The following SFMBT1 variants were observed in gnomAD, a reference collection of about 807,000 sequenced individuals.
SFMBT1 encodes the protein Scm like with four mbt domains 1.
Under a neutral mutation model 108.7 loss-of-function variants are expected in SFMBT1, and 32 were observed. The observed-to-expected ratio is 0.29, with a 90% CI of 0.22 to 0.40. The LOEUF is 0.40. SFMBT1 is among the 10% of genes least tolerant of loss of function. SFMBT1 has a pLI of 1.00. For missense variants in SFMBT1, 816 were observed against 1,059.6 expected, an observed-to-expected ratio of 0.77 and a Z score of 3.19; for synonymous variants, 348 against 369.5, an observed-to-expected ratio of 0.94 and a Z score of 0.67.
chr3:52,916,167 A>G lies in SFMBT1; in HGVS notation c.1463T>C (p.Leu488Pro), dbSNP rs750394076. Reference protein sequence around the residue: ...TVHEGLRNQELNSTESVMING... With the variant: ...TVHEGLRNQEPNSTESVMING... Reference sequence around the variant, plus strand: ...GCTTATACCTGACTCTGTGGAGTTCAGCTCCTGATTCCTCAGGCCCTCGTG... The same window carrying G: ...GCTTATACCTGACTCTGTGGAGTTCGGCTCCTGATTCCTCAGGCCCTCGTG... Residue 488 changes from leucine to proline, a missense_variant, in exon 14 of 21, where the codon CTG becomes CCG. Transcript: ENST00000394752. The G allele has an allele frequency of 5.0e-6, 8 of 1,614,008 alleles. No individual in the cohort carries two copies. Among genetic ancestry groups the G allele is most frequent in the African/African-American group, 1.3e-5 (1 of 74,908 alleles).
chr3:53,015,294 T>A (rs533004136), intron 1 of SFMBT1, among the ~76,000 whole-genome samples: 209 of 138,174 alleles, frequency 1.5e-3, no homozygotes, highest in Admixed American at 5.2e-3. Flanking sequence ...AAAAAAAAAA[T>A]AGAGAATAAC....
intron 1 of SFMBT1, among the ~76,000 whole-genome samples, chr3:53,039,109 T>C (rs1699954751): frequency 6.6e-6 from 1 of 152,206 alleles, no homozygotes; most frequent in Non-Finnish European, 1.5e-5. Flanking sequence ...CTGTTTCTTT[T>C]GTTCGAATAA....
At chr3:52,996,206 C>T (rs1167451209) in intron 1 of SFMBT1, among the ~76,000 whole-genome samples, 6 of 88,128 alleles carry the variant, frequency 6.8e-5, no homozygotes, top group South Asian at 3.3e-4. Context: ...ATAAACAATC[C>T]TTTTTTTTTT....
intron 1 of SFMBT1, among the ~76,000 whole-genome samples, chr3:53,028,988 C>T (rs1409158267): frequency 1.3e-5 from 2 of 151,954 alleles, no homozygotes; most frequent in African/African-American, 4.8e-5. Flanking sequence ...CTGACTAACA[C>T]GGTGAAACCC....
At chr3:53,007,761 T>C (rs922410601) in intron 1 of SFMBT1, among the ~76,000 whole-genome samples, 9 of 152,260 alleles carry the variant, frequency 5.9e-5, no homozygotes, top group South Asian at 2.1e-4. Context: ...ATCCATAAAA[T>C]ACCAATTACA....
chr3:52,921,900 A>G, intron 10 of SFMBT1, 69 bp from the exon 11 acceptor site: 1 of 1,520,298 alleles, frequency 6.6e-7, no homozygotes. Flanking sequence ...TCAGCTAGAA[A>G]ACCTTTTTCA....
chr3:52,966,130 A>G lies in SFMBT1; in HGVS notation c.28+2971T>C, dbSNP rs1475870476. ...CAGGAAATCGAGACCATCCTGGCTAACAGGGTGAAACCCCGTCTCTACTAA... is the reference window on the plus strand; with the variant it reads ...CAGGAAATCGAGACCATCCTGGCTAGCAGGGTGAAACCCCGTCTCTACTAA... On this transcript the variant is annotated intron_variant, in intron 2 of 20. Coordinates refer to ENST00000394752, the MANE Select transcript of SFMBT1 (RefSeq NM_016329.4). Among the ~76,000 whole-genome samples, 8 of 146,598 alleles carry G rather than the reference A, an allele frequency of 5.5e-5. No individual in the cohort carries two copies. In the Admixed American group the frequency reaches 5.5e-4, roughly 10 times the overall value.
At chr3:52,972,742 T>TAA (rs1704385643) in intron 1 of SFMBT1, among the ~76,000 whole-genome samples, 2 of 79,504 alleles carry the variant, frequency 2.5e-5, no homozygotes, top group African/African-American at 1.2e-4. Flanking sequence ...CCATCTCTAC[T>TAA]AAACACACAC....
At position 53,000,098 on chromosome 3, in the gene SFMBT1, G is replaced by A. The variant is rs538158618; in HGVS notation, c.-130-30840C>T. Among the ~76,000 whole-genome samples the A allele has an allele frequency of 3.9e-4, 58 of 150,060 alleles. 2 individuals are homozygous for A. The South Asian group carries it at 5.7e-3, about 15-fold the overall frequency. On this transcript the variant is annotated intron_variant, in intron 1 of 20. Coordinates refer to ENST00000394752, the MANE Select transcript of SFMBT1 (RefSeq NM_016329.4). The stretch of plus-strand genomic sequence containing the variant: ...AGGATGGTCTTGATTTCCTGACCTC[G>A]TGATCCGCCCACCCCGGCCTCCCAA...
intron 10 of SFMBT1, among the ~76,000 whole-genome samples, chr3:52,923,760 C>A (rs1702581013): frequency 6.6e-6 from 1 of 151,402 alleles, no homozygotes; most frequent in Non-Finnish European, 1.5e-5. Context: ...ATCCAGAGGG[C>A]CACAACCAAA....
chr3:52,910,948 A>G (rs1203105193), intron 17 of SFMBT1, 55 bp downstream of exon 17: 7 of 1,574,186 alleles, frequency 4.4e-6, no homozygotes, highest in Non-Finnish European at 6.1e-6. Flanking sequence ...AAACTTTCCA[A>G]GATGTAAGGT....
intron 7 of SFMBT1, among the ~76,000 whole-genome samples, chr3:52,930,659 A>C (rs1276179761): frequency 6.6e-6 from 1 of 152,156 alleles, no homozygotes; most frequent in East Asian, 1.9e-4. Context: ...AAGACAAGGA[A>C]TATCTGGAGA....
chr3:52,943,619 C>A (rs571436351), intron 3 of SFMBT1, 26 bp from the exon 4 acceptor site: 15 of 1,614,042 alleles, frequency 9.3e-6, no homozygotes, highest in Non-Finnish European at 1.3e-5. Flanking sequence ...TTATTAAGCA[C>A]CAGACAAGTA....
At position 52,968,995 on chromosome 3, in the gene SFMBT1, A is replaced by G. The variant is rs1201679111; in HGVS notation, c.28+106T>C. 2.2e-5 allele frequency: 30 copies of G among 1,349,976 alleles called. 1 individual carries two copies. Among genetic ancestry groups the G allele is most frequent in the Non-Finnish European group, 3.1e-5 (30 of 960,098 alleles). 83.6% of individuals were successfully genotyped at this position (1,349,976 alleles called of 1,614,324 possible). On this transcript the variant is annotated intron_variant, in intron 2 of 20. Coordinates refer to ENST00000394752, the MANE Select transcript of SFMBT1 (RefSeq NM_016329.4). The stretch of plus-strand genomic sequence containing the variant: ...AGATGGCAATGAAAAACAACTTAAG[A>G]CTTCAAAGAGCTTCCAGTTCAGTGG...
rs137956997 is a variant in SFMBT1, at chr3:52,940,225, G to T, written c.364+3128C>A. Among the ~76,000 whole-genome samples the T allele has an allele frequency of 3.3e-5, 5 of 152,268 alleles. No homozygotes were observed. In the East Asian group the frequency reaches 9.6e-4, roughly 29 times the overall value. ...CACAAAGTAAAAAACCTTCACAAAG[G>T]AGAAGCCCACAGACATCCCAGGACC... On this transcript the variant is annotated intron_variant, in intron 4 of 20. Transcript: ENST00000394752.
At chr3:52,913,400 A>G (rs1005221637) in intron 15 of SFMBT1, 78 bp downstream of exon 15, 19 of 1,523,486 alleles carry the variant, frequency 1.2e-5, no homozygotes, top group Non-Finnish European at 1.2e-5. Context: ...CATCTATGGC[A>G]TGTGGCTCCC....
intron 1 of SFMBT1, among the ~76,000 whole-genome samples, chr3:53,027,568 G>A (rs146155133): frequency 1.4e-3 from 213 of 152,252 alleles, no homozygotes; most frequent in African/African-American, 5.0e-3. Flanking sequence ...CTGCCTCCAG[G>A]AATACTGTCA....
intron 1 of SFMBT1, among the ~76,000 whole-genome samples, chr3:53,005,737 G>C (rs1698717318): frequency 6.6e-6 from 1 of 152,182 alleles, no homozygotes; most frequent in African/African-American, 2.4e-5. Context: ...TTTGGCTGGG[G>C]TACTTTTTCT....
At chr3:53,003,089 T>A (rs1475259207) in intron 1 of SFMBT1, among the ~76,000 whole-genome samples, 1 of 113,428 alleles carries the variant, frequency 8.8e-6, no homozygotes, top group Non-Finnish European at 1.7e-5. Context: ...GTCACTGCAC[T>A]CCAGCCTGGG....
Sources: gnomAD v4.1 joint callset for allele counts (sites outside exome capture counted in the v4.1 genomes callset) on GRCh38, gnomAD v4.1.1 for gene constraint, MANE v1.5 for transcripts, NCBI Gene and HGNC (gene_info 2026-07-23, HGNC 2026-07-21) for gene names.